PTPRZ1: variants seen among roughly 807,000 people sequenced by gnomAD.
PTPRZ1 encodes protein tyrosine phosphatase receptor type Z1, also known as receptor-type tyrosine-protein phosphatase zeta.
PTPRZ1 carries 82 observed loss-of-function variants against 214.1 expected under a neutral mutation model. That is an observed-to-expected ratio of 0.38 (90% CI 0.32 to 0.46). The LOEUF (loss-of-function observed/expected upper bound fraction) is 0.46, where lower values mean the gene tolerates loss of function less well. Among genes scored for constraint, PTPRZ1 ranks in the 20% least tolerant of loss-of-function variants. PTPRZ1 has a pLI of 1.00. For missense variants in PTPRZ1, 2,603 were observed against 2,748.7 expected (o/e 0.95, Z 1.19); for synonymous variants, 945 against 987.9 (o/e 0.96, Z 0.81).
rs573635033 is a variant in PTPRZ1 at position 122,010,730 on chromosome 7, A to G, written c.1684A>G (p.Thr562Ala). 1.2e-5 allele frequency: 19 copies of G among 1,614,024 alleles called. No homozygotes were observed. In the South Asian group the frequency reaches 1.8e-4, roughly 15 times the overall value. ...GTCGGGGACTGCAGAATCCTTAAAT[A>G]CAGTTTCTATAACAGAATATGAGGA... is the stretch of plus-strand genomic sequence containing the variant. ...NLSGTAESLN[T>A]VSITEYEEES... Residue 562 changes from threonine to alanine, a missense_variant, in exon 12 of 30, where the codon ACA (threonine) becomes GCA (alanine). Coordinates refer to ENST00000393386, the MANE Select transcript of PTPRZ1 (RefSeq NM_002851.3).
rs115259941 is a variant in PTPRZ1 at position 121,967,187 on chromosome 7, C to T, written c.125-764C>T. 7.4e-3 allele frequency among the ~76,000 whole-genome samples: 1,121 copies of T among 152,096 alleles called. 12 individuals carry two copies. The highest frequency in any genetic ancestry group is 0.025 in the African/African-American group (1,028 of 41,486). On this transcript the variant is annotated intron_variant, in intron 2 of 29. Transcript: ENST00000393386. ...CAAAGGGCAGTTTGGGTTTAGAGGA[C>T]GCTTCATACTGTGGAACATGTGAAA...
chr7:121,896,507 C>A (rs1489127682), intron 1 of PTPRZ1, among the ~76,000 whole-genome samples: 1 of 152,092 alleles, frequency 6.6e-6, no homozygotes, highest in Non-Finnish European at 1.5e-5. Context: ...AAATATTAAT[C>A]ACCCTTGAAA....
chr7:121,966,518 T>C (rs1797050941), intron 2 of PTPRZ1, among the ~76,000 whole-genome samples: 1 of 152,174 alleles, frequency 6.6e-6, no homozygotes, highest in Non-Finnish European at 1.5e-5. Context: ...TCATTAAAAC[T>C]GTTCCTAGAA....
At position 121,998,017 on chromosome 7, in the gene PTPRZ1, C is replaced by G. The variant is rs1288896960; in HGVS notation, c.1240+11C>G. The G allele has an allele frequency of 6.2e-7, 1 of 1,610,194 alleles. No individual in the cohort carries two copies. The highest frequency in any genetic ancestry group is 8.5e-7 in the Non-Finnish European group (1 of 1,178,168). On this transcript the variant is annotated intron_variant, in intron 10 of 29. Transcript: ENST00000393386. ...CTACTGATAATCCTGGTAAGTGCCA[C>G]CAGATACATCTATATATTAACTCAA...
At chr7:121,912,292 G>T (rs1220780665) in intron 1 of PTPRZ1, among the ~76,000 whole-genome samples, 1 of 152,158 alleles carries the variant, frequency 6.6e-6, no homozygotes, top group Non-Finnish European at 1.5e-5. Context: ...TCAAGTATGG[G>T]AAACAATATA....
chr7:122,048,982 A>G (rs1792085669), intron 23 of PTPRZ1, among the ~76,000 whole-genome samples: 2 of 152,248 alleles, frequency 1.3e-5, no homozygotes, highest in South Asian at 4.1e-4. Context: ...CAAATCCAGC[A>G]GTGTATTTCT....
At chr7:121,903,156 A>G (rs1044576905) in intron 1 of PTPRZ1, among the ~76,000 whole-genome samples, 4 of 152,200 alleles carry the variant, frequency 2.6e-5, no homozygotes, top group African/African-American at 9.6e-5. Flanking sequence ...TACTAGAGCA[A>G]TACCAATTAT....
rs147135195 is a variant in PTPRZ1, at chr7:121,946,054, T to G, written c.124+17833T>G. Among the ~76,000 whole-genome samples the G allele has an allele frequency of 4.8e-3, 737 of 152,318 alleles. 6 individuals carry two copies. Among genetic ancestry groups the G allele is most frequent in the African/African-American group, 0.017 (711 of 41,578 alleles). On this transcript the variant is annotated intron_variant, in intron 2 of 29. Coordinates refer to ENST00000393386, the MANE Select transcript of PTPRZ1 (RefSeq NM_002851.3). The stretch of plus-strand genomic sequence containing the variant: ...CACTGTATATAGTATTGGAAGTTGC[T>G]CAGGAGTCTTGGCTGCTAGTAAGAG...
intron 2 of PTPRZ1, among the ~76,000 whole-genome samples, chr7:121,957,025 G>A (rs934140720): frequency 2.0e-5 from 3 of 152,066 alleles, no homozygotes; most frequent in Non-Finnish European, 2.9e-5. Flanking sequence ...CAAACTGTAC[G>A]GTCACCAGTG....
chr7:121,966,926 A>C (rs1346092638), intron 2 of PTPRZ1: 2 of 152,212 alleles, frequency 1.3e-5, no homozygotes, highest in Non-Finnish European at 2.9e-5. Context: ...CAGAAAGAAA[A>C]GCATTCAGAA....
intron 1 of PTPRZ1, among the ~76,000 whole-genome samples, chr7:121,926,952 A>G (rs1384931328): frequency 6.6e-6 from 1 of 152,170 alleles, no homozygotes; most frequent in African/African-American, 2.4e-5. Context: ...GCTTTGGATA[A>G]CCTGTGAATT....
intron 23 of PTPRZ1, among the ~76,000 whole-genome samples, chr7:122,049,066 G>A (rs569326932): frequency 6.6e-6 from 1 of 152,062 alleles, no homozygotes; most frequent in African/African-American, 2.4e-5. Flanking sequence ...TGGAAAATAT[G>A]AATAGATTTA....
At chr7:121,940,899 T>A (rs1042550926) in intron 2 of PTPRZ1, among the ~76,000 whole-genome samples, 1 of 152,166 alleles carries the variant, frequency 6.6e-6, no homozygotes, top group Non-Finnish European at 1.5e-5. Flanking sequence ...ACCTTCCCCC[T>A]GCCTGCTGCT....
chr7:122,040,223 A>G (rs1484648088), intron 20 of PTPRZ1, among the ~76,000 whole-genome samples: 1 of 152,218 alleles, frequency 6.6e-6, no homozygotes, highest in Non-Finnish European at 1.5e-5. Context: ...AGAAAAAGAA[A>G]GGAAACACGA....
At chr7:121,889,109 AG>A in intron 1 of PTPRZ1, among the ~76,000 whole-genome samples, 1 of 140,582 alleles carries the variant, frequency 7.1e-6, no homozygotes, top group African/African-American at 2.7e-5. Context: ...CACTTTCAAA[AG>A]GCTTTATTTT....
At chr7:122,044,295 A>G in intron 22 of PTPRZ1, 127 bp from the exon 23 acceptor site, 1 of 1,095,852 alleles carries the variant, frequency 9.1e-7, no homozygotes, top group Non-Finnish European at 1.3e-6. Context: ...TTTGTAAGCA[A>G]TCTTGTGTGG....
intron 1 of PTPRZ1, among the ~76,000 whole-genome samples, chr7:121,881,562 A>G (rs1794238764): frequency 1.3e-5 from 2 of 152,170 alleles, no homozygotes. Flanking sequence ...CTTAAGGTGG[A>G]GATATTTGCA....
At chr7:121,986,425 AG>A (rs1797764383) in intron 8 of PTPRZ1, among the ~76,000 whole-genome samples, 2 of 152,240 alleles carry the variant, frequency 1.3e-5, no homozygotes, top group Admixed American at 6.5e-5. Context: ...ATGACTTTAA[AG>A]ACATGAAGCT....
chr7:122,026,714 A>T (rs564400283), intron 13 of PTPRZ1, among the ~76,000 whole-genome samples: 3 of 152,304 alleles, frequency 2.0e-5, no homozygotes, highest in African/African-American at 7.2e-5. Flanking sequence ...TGTTCTCTCA[A>T]TATATCTTCT....
Sources: allele counts gnomAD v4.1 joint callset (sites outside exome capture counted in the v4.1 genomes callset), GRCh38; gene constraint gnomAD v4.1.1; transcripts MANE v1.5; gene names NCBI Gene and HGNC (gene_info 2026-07-23, HGNC 2026-07-21).